The following NALF1 variants were observed in gnomAD, a reference collection of about 807,000 sequenced individuals.
NALF1 encodes NALCN channel auxiliary factor 1.
A neutral mutation model predicts 48.4 loss-of-function variants in NALF1; 3 were observed. That is an observed-to-expected ratio of 0.06 (90% CI 0.03 to 0.16). NALF1 has a LOEUF of 0.16. NALF1 is among the 10% of genes least tolerant of loss of function. NALF1 has a pLI of 1.00. For missense variants in NALF1, 526 were observed against 571.5 expected (o/e 0.92, Z 0.81); for synonymous variants, 262 against 245.7 (o/e 1.07, Z -0.62).
At chr13:107,382,813 C>T (rs1474623685) in intron 1 of NALF1, among the ~76,000 whole-genome samples, 1 of 152,218 alleles carries the variant, frequency 6.6e-6, no homozygotes, top group Non-Finnish European at 1.5e-5. Flanking sequence ...TCTTTTTTCC[C>T]CCTGAACTCT....
At chr13:107,608,701 G>GA (rs1206293306) in intron 1 of NALF1, among the ~76,000 whole-genome samples, 4 of 152,204 alleles carry the variant, frequency 2.6e-5, no homozygotes, top group Non-Finnish European at 2.9e-5. Flanking sequence ...AAATTGAAGA[G>GA]AAAAAACATA....
intron 1 of NALF1, among the ~76,000 whole-genome samples, chr13:107,816,026 C>T (rs1033914926): frequency 1.3e-5 from 2 of 152,052 alleles, no homozygotes; most frequent in East Asian, 1.9e-4. Flanking sequence ...GGCTTTCTTA[C>T]GGACAGAGAA....
chr13:107,222,552 CCT>C (rs1391884852), intron 1 of NALF1, among the ~76,000 whole-genome samples: 2 of 152,094 alleles, frequency 1.3e-5, no homozygotes, highest in African/African-American at 4.8e-5. Flanking sequence ...TTGTGCATGT[CCT>C]GTGTGTGTTC....
At chr13:107,686,942 C>T (rs1279617329) in intron 1 of NALF1, among the ~76,000 whole-genome samples, 5 of 152,290 alleles carry the variant, frequency 3.3e-5, no homozygotes, top group Admixed American at 2.0e-4. Context: ...AGCAATTCCA[C>T]TACTGGGTAT....
intron 1 of NALF1, among the ~76,000 whole-genome samples, chr13:107,782,263 A>T (rs899741753): frequency 6.6e-6 from 1 of 152,182 alleles, no homozygotes. Context: ...CTGTGTTGGC[A>T]GGGCTGGCTT....
intron 1 of NALF1, among the ~76,000 whole-genome samples, chr13:107,482,836 C>A (rs982572552): frequency 1.3e-5 from 2 of 152,130 alleles, no homozygotes; most frequent in African/African-American, 2.4e-5. Context: ...TGGCAACGTG[C>A]ACTATGAATA....
chr13:107,742,942 G>T (rs562050214), intron 1 of NALF1, among the ~76,000 whole-genome samples: 1 of 152,216 alleles, frequency 6.6e-6, no homozygotes, highest in Non-Finnish European at 1.5e-5. Context: ...GCCTGGAGGA[G>T]TATGGCAGTG....
intron 1 of NALF1, among the ~76,000 whole-genome samples, chr13:107,785,116 A>G (rs1467938169): frequency 6.6e-6 from 1 of 151,774 alleles, no homozygotes; most frequent in Non-Finnish European, 1.5e-5. Flanking sequence ...ATGTATATGT[A>G]TATATATATT....
At chr13:107,667,371 C>A (rs1219494202) in intron 1 of NALF1, among the ~76,000 whole-genome samples, 1 of 151,996 alleles carries the variant, frequency 6.6e-6, no homozygotes, top group Admixed American at 6.6e-5. Context: ...ACACCACCCC[C>A]ACTAAAAAGT....
intron 1 of NALF1, among the ~76,000 whole-genome samples, chr13:107,484,584 T>C (rs1156548672): frequency 6.6e-6 from 1 of 152,146 alleles, no homozygotes; most frequent in African/African-American, 2.4e-5. Context: ...CCCAGTGCCA[T>C]CCAACACATA....
chr13:107,218,549 T>C (rs1879924826), intron 1 of NALF1, among the ~76,000 whole-genome samples: 1 of 152,162 alleles, frequency 6.6e-6, no homozygotes. Flanking sequence ...CCCCAACATA[T>C]TAAATCCTAA....
At chr13:107,737,326 C>G (rs528092063) in intron 1 of NALF1, among the ~76,000 whole-genome samples, 1 of 152,104 alleles carries the variant, frequency 6.6e-6, no homozygotes, top group Admixed American at 6.5e-5. Context: ...TATTTATAAG[C>G]TTACTAAGCC....
chr13:107,693,750 C>T (rs974283854), intron 1 of NALF1, among the ~76,000 whole-genome samples: 3 of 151,982 alleles, frequency 2.0e-5, no homozygotes, highest in South Asian at 4.1e-4. Context: ...AAATGTTTCC[C>T]CCTCAAAAAG....
intron 1 of NALF1, among the ~76,000 whole-genome samples, chr13:107,390,379 G>T (rs981184808): frequency 6.6e-6 from 1 of 151,242 alleles, no homozygotes; most frequent in Non-Finnish European, 1.5e-5. Context: ...ATTATTAAAA[G>T]GTTATTAAAA....
At chr13:107,680,350 G>T (rs939802761) in intron 1 of NALF1, among the ~76,000 whole-genome samples, 1 of 152,186 alleles carries the variant, frequency 6.6e-6, no homozygotes, top group African/African-American at 2.4e-5. Context: ...CATTCTCTGG[G>T]TCCCTGAAAG....
At chr13:107,355,320 C>A (rs1373601843) in intron 1 of NALF1, among the ~76,000 whole-genome samples, 1 of 152,156 alleles carries the variant, frequency 6.6e-6, no homozygotes, top group Non-Finnish European at 1.5e-5. Context: ...AATTAAGTTA[C>A]AAGGTGTTCT....
chr13:107,807,782 G>A (rs1336244696), intron 1 of NALF1, among the ~76,000 whole-genome samples: 1 of 151,958 alleles, frequency 6.6e-6, no homozygotes, highest in Non-Finnish European at 1.5e-5. Context: ...AATTTGCAGG[G>A]GTATTGTAAA....
At chr13:107,861,189 A>G (rs1464811) in intron 1 of NALF1, among the ~76,000 whole-genome samples, 36,286 of 152,074 alleles carry the variant, frequency 0.24, 4,546 homozygotes, top group East Asian at 0.39. Context: ...ATTCTCTTCA[A>G]CCTCATAAAT....
chr13:107,413,398 A>G (rs1884025683), intron 1 of NALF1, among the ~76,000 whole-genome samples: 1 of 152,220 alleles, frequency 6.6e-6, no homozygotes, highest in South Asian at 2.1e-4. Context: ...CTCATCTATT[A>G]AAAAGACCTA....
Sources: allele counts gnomAD v4.1 joint callset (sites outside exome capture counted in the v4.1 genomes callset), GRCh38; gene constraint gnomAD v4.1.1; transcripts MANE v1.5; gene names NCBI Gene and HGNC (gene_info 2026-07-23, HGNC 2026-07-21).